UGT2A2: variants seen among roughly 807,000 people sequenced by gnomAD.
The protein encoded by UGT2A2 is UDP glucuronosyltransferase family 2 member A2.
A neutral mutation model predicts 50.7 loss-of-function variants in UGT2A2; 60 were observed. That is an observed-to-expected ratio of 1.18 (90% CI 0.96 to 1.47). The LOEUF (loss-of-function observed/expected upper bound fraction) is 1.47. Among genes scored for constraint, UGT2A2 ranks in the 40% most tolerant of loss-of-function variants. The pLI, the probability that UGT2A2 is intolerant of heterozygous loss-of-function variation, is 0.00. For missense variants in UGT2A2, 762 were observed against 634.0 expected (o/e 1.20, Z -2.17); for synonymous variants, 242 against 214.6 (o/e 1.13, Z -1.11).
At chr4:69,592,844 AT>A (rs1401168740) in intron 5 of UGT2A2, among the ~76,000 whole-genome samples, 1 of 152,088 alleles carries the variant, frequency 6.6e-6, no homozygotes, top group African/African-American at 2.4e-5. Context: ...AAACTGGATA[AT>A]TTTTTATCTT....
chr4:69,597,156 C>T (rs919587192), intron 2 of UGT2A2, among the ~76,000 whole-genome samples: 2 of 152,102 alleles, frequency 1.3e-5, no homozygotes, highest in African/African-American at 4.8e-5. Context: ...ATTTTCTCAA[C>T]TGTATGCCTC....
chr4:69,612,352 C>A (rs925229296), intron 1 of UGT2A2, among the ~76,000 whole-genome samples: 10 of 152,132 alleles, frequency 6.6e-5, no homozygotes, highest in African/African-American at 2.4e-4. Flanking sequence ...CATTCAATGA[C>A]ATTCATGTCA....
intron 1 of UGT2A2, among the ~76,000 whole-genome samples, chr4:69,621,164 C>G (rs1276945640): frequency 6.6e-6 from 1 of 151,964 alleles, no homozygotes; most frequent in Non-Finnish European, 1.5e-5. Context: ...TCTAATTAAA[C>G]TTAAGAGCTT....
chr4:69,639,005 C>T lies in UGT2A2; in HGVS notation c.636G>A (p.Gln212=), dbSNP rs894523773. The T allele has an allele frequency of 1.4e-5, 23 of 1,613,250 alleles. No homozygotes were observed. The highest frequency in any genetic ancestry group is 1.9e-5 in the Non-Finnish European group (23 of 1,179,556). The part of the protein sequence containing the change: ...VPAALSELTD[Q]MTFGERIKNT... ...TTTTAATCCTTTCACCAAAGGTCAT[C>T]TGGTCAGTGAGCTCTGATAAGGCTG... Residue 212 remains glutamine (Q), a synonymous_variant, in exon 1 of 6, where the codon CAG becomes CAA. Coordinates refer to ENST00000604629, the MANE Select transcript of UGT2A2 (RefSeq NM_001105677.2).
chr4:69,590,151 T>C (rs1157351511), intron 5 of UGT2A2, among the ~76,000 whole-genome samples: 2 of 152,210 alleles, frequency 1.3e-5, no homozygotes, highest in African/African-American at 2.4e-5. Context: ...GTGGCACACA[T>C]CTGTATGTTT....
At chr4:69,613,304 C>T (rs117248846) in intron 1 of UGT2A2, among the ~76,000 whole-genome samples, 6 of 151,924 alleles carry the variant, frequency 3.9e-5, no homozygotes, top group East Asian at 1.9e-4. Context: ...AAAACCTGAA[C>T]GAGGCATTAT....
At chr4:69,631,300 G>A (rs145499895) in intron 1 of UGT2A2, among the ~76,000 whole-genome samples, 1 of 115,050 alleles carries the variant, frequency 8.7e-6, no homozygotes, top group South Asian at 3.6e-4. Flanking sequence ...TTGTCAAAGA[G>A]AGAGTTACTT....
intron 5 of UGT2A2, among the ~76,000 whole-genome samples, chr4:69,592,101 C>A (rs1316549942): frequency 1.3e-5 from 2 of 152,082 alleles, no homozygotes; most frequent in African/African-American, 4.8e-5. Flanking sequence ...CATTAGCCCT[C>A]GTGTCTAAAA....
At chr4:69,604,001 T>C (rs1410376517) in intron 1 of UGT2A2, among the ~76,000 whole-genome samples, 2 of 136,680 alleles carry the variant, frequency 1.5e-5, no homozygotes, top group African/African-American at 3.0e-5. Context: ...CTGCAGGATA[T>C]TATCCAGTAG....
intron 5 of UGT2A2, 74 bp downstream of exon 5, chr4:69,594,403 A>G (rs1239595332): frequency 6.5e-7 from 1 of 1,545,774 alleles, no homozygotes; most frequent in East Asian, 2.3e-5. Context: ...AAAAGTATAA[A>G]AGAATGTACA....
At chr4:69,622,089 A>G (rs770418329) in intron 1 of UGT2A2, among the ~76,000 whole-genome samples, 4 of 151,842 alleles carry the variant, frequency 2.6e-5, no homozygotes, top group Non-Finnish European at 5.9e-5. Context: ...TGGAATAGTC[A>G]GTACAACCAA....
In UGT2A2 at chr4:69,599,367, A is replaced by G. The variant is rs752182687; in HGVS notation, c.770T>C (p.Met257Thr). 2.5e-6 allele frequency: 4 copies of G among 1,613,770 alleles called. No homozygotes were observed. Among genetic ancestry groups the G allele is most frequent in the Non-Finnish European group, 3.4e-6 (4 of 1,179,878 alleles). The change falls in exon 2 of 6, where the codon ATG (methionine) becomes ACG (threonine). Residue 257 changes from methionine (M) to threonine (T), a missense_variant. Coordinates refer to ENST00000604629, the MANE Select transcript of UGT2A2 (RefSeq NM_001105677.2). ...GATTAACCAAATTTCAGCTTTCCCC[A>G]TAGTCTCACATAACGTAGTGGGTCT... ...LGRPTTLCET[M>T]GKAEIWLIRT...
intron 1 of UGT2A2, among the ~76,000 whole-genome samples, chr4:69,630,074 A>AT (rs1161696628): frequency 6.6e-6 from 1 of 152,044 alleles, no homozygotes; most frequent in Non-Finnish European, 1.5e-5. Flanking sequence ...AAATTACACC[A>AT]TTATAGTGTA....
chr4:69,633,891 C>T (rs749582079), intron 1 of UGT2A2, among the ~76,000 whole-genome samples: 1 of 152,096 alleles, frequency 6.6e-6, no homozygotes, highest in East Asian at 1.9e-4. Context: ...GGGGTTACTT[C>T]GTGAAACTTC....
At chr4:69,614,706 A>G (rs1273281938) in intron 1 of UGT2A2, among the ~76,000 whole-genome samples, 1 of 152,076 alleles carries the variant, frequency 6.6e-6, no homozygotes, top group East Asian at 1.9e-4. Flanking sequence ...GCTGCCAAAT[A>G]CATACATTGG....
In UGT2A2 at chr4:69,599,695, A is replaced by AAAAG. The variant is rs1553903630; in HGVS notation, c.743-302_743-301insCTTT. 1.8e-3 allele frequency: 370 copies of AAAAG among 200,544 alleles called. 7 individuals are homozygous for AAAAG. The South Asian group carries it at 0.023, about 13-fold the overall frequency. The allele number at this position is 200,544 out of a possible 1,614,324, so 12.4% of individuals were successfully genotyped here. A position where few individuals can be genotyped will look rare whatever the true frequency, so the allele number is the denominator to read the frequency against. ...GGGAAGAAAGAGGTAGAAATAAAGA[A>AAAAG]AGAGAGAGAGAGAGGAAGAGAGAGA... On this transcript the variant is annotated intron_variant, in intron 1 of 5. Transcript: ENST00000604629.
Position 69,596,297 on chromosome 4 carries a change from C to G in UGT2A2, c.976G>C (p.Glu326Gln). The change falls in exon 3 of 6, where the codon GAA (glutamate) becomes CAA (glutamine). Residue 326 changes from glutamate to glutamine, a missense_variant. Physicochemically the swap from Glu to Gln is conservative, Grantham distance 29 (BLOSUM62 2). Transcript: ENST00000604629. ...GCTGAGGCAATAAGATTGGCCTTTT[C>G]TTCTGTAAGGTTTTTGACCATTGAT... Reference protein sequence around the residue: ...LGSMVKNLTEEKANLIASALA... With the variant: ...LGSMVKNLTEQKANLIASALA... 1 of 1,607,400 alleles carries G rather than the reference C, an allele frequency of 6.2e-7. No individual in the cohort carries two copies. Among genetic ancestry groups the G allele is most frequent in the Non-Finnish European group, 8.5e-7 (1 of 1,175,992 alleles).
chr4:69,618,221 T>A (rs59737874), intron 1 of UGT2A2, among the ~76,000 whole-genome samples: 1 of 144,640 alleles, frequency 6.9e-6, no homozygotes, highest in Non-Finnish European at 1.5e-5. Context: ...GTGTGTATGT[T>A]TGTGTGTGTG....
chr4:69,594,740 C>T (rs761344347), intron 4 of UGT2A2, 44 bp from the exon 5 acceptor site: 86 of 1,577,912 alleles, frequency 5.5e-5, no homozygotes, highest in Non-Finnish European at 6.7e-5. Flanking sequence ...AATAATAACA[C>T]ATTAGCAGAA....
Sources: gnomAD v4.1 joint callset for allele counts (sites outside exome capture counted in the v4.1 genomes callset) on GRCh38, gnomAD v4.1.1 for gene constraint, MANE v1.5 for transcripts, NCBI Gene and HGNC (gene_info 2026-07-23, HGNC 2026-07-21) for gene names.